CDC42BPA: variants seen among roughly 807,000 people sequenced by gnomAD.
The protein encoded by CDC42BPA is serine/threonine-protein kinase MRCK alpha.
Under a neutral mutation model 223.5 loss-of-function variants are expected in CDC42BPA, and 80 were observed. The observed-to-expected ratio is 0.36, with a 90% CI of 0.30 to 0.43. The LOEUF (loss-of-function observed/expected upper bound fraction) is 0.43. Ranked by LOEUF, CDC42BPA falls within the 20% of genes least tolerant of loss-of-function variation. The pLI is 1.00. For missense variants in CDC42BPA, 1,743 were observed against 2,099.9 expected, an observed-to-expected ratio of 0.83 and a Z score of 3.32; for synonymous variants, 694 against 718.6, an observed-to-expected ratio of 0.97 and a Z score of 0.55.
At chr1:227,264,523 A>C (rs2670469) in intron 1 of CDC42BPA, among the ~76,000 whole-genome samples, 42,955 of 150,538 alleles carry the variant, frequency 0.29, 6,957 homozygotes, top group East Asian at 0.37. Flanking sequence ...AGGTTTTCTT[A>C]CTAGAATGAA....
chr1:227,051,983 A>G lies in CDC42BPA; in HGVS notation c.2907T>C (p.Thr969=), dbSNP rs778367081. The change falls in exon 22 of 37, where the codon ACT becomes ACC. Residue 969 remains threonine (T), a splice_region_variant and synonymous_variant. Coordinates refer to ENST00000366766, the MANE Select transcript of CDC42BPA (RefSeq NM_001394014.1). The part of the protein sequence containing the change: ...TPTDALDQFE[T]DPVENTYVWN... ...ATACATATGTGTTCTCAACGGGATC[A>G]GTCTAGGAAAATAAGTCGGGAAAAA... The G allele has an allele frequency of 3.7e-6, 5 of 1,364,818 alleles. No individual in the cohort carries two copies. Among genetic ancestry groups the G allele is most frequent in the South Asian group, 1.1e-5 (1 of 88,004 alleles). The allele number at this position is 1,364,818 out of a possible 1,614,324, so 84.5% of individuals were successfully genotyped here.
chr1:227,213,898 A>G (rs1181121757), intron 2 of CDC42BPA, among the ~76,000 whole-genome samples: 2 of 152,172 alleles, frequency 1.3e-5, no homozygotes, highest in Admixed American at 6.6e-5. Context: ...ATCAAAAACT[A>G]TCAAATACAA....
At chr1:227,141,357 C>A (rs1358173296) in intron 9 of CDC42BPA, among the ~76,000 whole-genome samples, 2 of 152,098 alleles carry the variant, frequency 1.3e-5, no homozygotes, top group African/African-American at 4.8e-5. Context: ...GGAGAACTGA[C>A]ATTTGTAAGC....
chr1:227,179,635 C>CAAAAAAAAAAAAAAA (rs59744442), intron 5 of CDC42BPA, among the ~76,000 whole-genome samples: 3 of 34,240 alleles, frequency 8.8e-5, no homozygotes, highest in African/African-American at 2.3e-4. Flanking sequence ...GCCTCCATCT[C>CAAAAAAAAAAAAAAA]AAAAAAAAAA....
rs931197724 is a variant in CDC42BPA at position 227,257,651 on chromosome 1, G to T, written c.179-3496C>A. On this transcript the variant is annotated intron_variant, in intron 1 of 36. Transcript: ENST00000366766. ...CGCCTGTAATCCCAGCTACTTGGGA[G>T]GCTGAGGCAGGAGAATCACTAGAAC... Among the ~76,000 whole-genome samples, 5 of 150,758 alleles carry T rather than the reference G, an allele frequency of 3.3e-5. 1 individual carries two copies. The highest frequency in any genetic ancestry group is 1.2e-4 in the African/African-American group (5 of 40,116).
intron 3 of CDC42BPA, among the ~76,000 whole-genome samples, chr1:227,210,766 G>A (rs1037580865): frequency 1.3e-5 from 2 of 152,130 alleles, no homozygotes; most frequent in Non-Finnish European, 2.9e-5. Flanking sequence ...TTACTCTTTT[G>A]TAATAACAGG....
chr1:227,189,369 T>C (rs1281535151), intron 5 of CDC42BPA, among the ~76,000 whole-genome samples: 1 of 152,224 alleles, frequency 6.6e-6, no homozygotes, highest in Non-Finnish European at 1.5e-5. Context: ...TTTAGAATTA[T>C]AGAACCAAAG....
intron 12 of CDC42BPA, among the ~76,000 whole-genome samples, chr1:227,113,485 AACC>A (rs1687262389): frequency 6.6e-6 from 1 of 152,208 alleles, no homozygotes; most frequent in Non-Finnish European, 1.5e-5. Flanking sequence ...ATGAGCTCAC[AACC>A]ACAGATTCCA....
chr1:227,199,531 T>G, intron 4 of CDC42BPA, 26 bp downstream of exon 4: 1 of 1,240,974 alleles, frequency 8.1e-7, no homozygotes, highest in Non-Finnish European at 1.2e-6. Context: ...AAAAACAGTA[T>G]ATAGAAATAC....
chr1:227,039,441 A>C (rs1558348621), intron 24 of CDC42BPA, among the ~76,000 whole-genome samples: 1 of 152,218 alleles, frequency 6.6e-6, no homozygotes. Flanking sequence ...TTAAAAAAGT[A>C]TTCTTCTGAA....
intron 3 of CDC42BPA, among the ~76,000 whole-genome samples, chr1:227,205,283 AAT>A (rs71180715): frequency 1.2e-3 from 153 of 122,724 alleles, no homozygotes; most frequent in Middle Eastern, 4.5e-3. Flanking sequence ...AAAAAAAAAA[AAT>A]ATATATATAT....
intron 1 of CDC42BPA, among the ~76,000 whole-genome samples, chr1:227,270,913 T>C (rs1444358178): frequency 6.6e-6 from 1 of 152,186 alleles, no homozygotes; most frequent in Non-Finnish European, 1.5e-5. Context: ...AGAAATTCAC[T>C]CTTCTTATGG....
At chr1:227,221,537 AC>A (rs1675897440) in intron 2 of CDC42BPA, among the ~76,000 whole-genome samples, 1 of 56,072 alleles carries the variant, frequency 1.8e-5, no homozygotes, top group African/African-American at 6.5e-5. Context: ...TCTCCCACCC[AC>A]CCTCCCTTCC....
chr1:227,114,181 A>C (rs1451714496), intron 12 of CDC42BPA, among the ~76,000 whole-genome samples: 1 of 152,062 alleles, frequency 6.6e-6, no homozygotes, highest in Non-Finnish European at 1.5e-5. Flanking sequence ...AGAGAAATAA[A>C]AGACCGTAAA....
At chr1:227,196,819 C>T (rs935725970) in intron 4 of CDC42BPA, among the ~76,000 whole-genome samples, 5 of 152,050 alleles carry the variant, frequency 3.3e-5, no homozygotes, top group Non-Finnish European at 5.9e-5. Flanking sequence ...TTTTCCTCAA[C>T]CATAAAGTAA....
At chr1:227,043,409 CTCA>C (rs1671785033) in intron 23 of CDC42BPA, among the ~76,000 whole-genome samples, 2 of 80,654 alleles carry the variant, frequency 2.5e-5, no homozygotes, top group African/African-American at 8.3e-5. Context: ...GAGACTTCGT[CTCA>C]AAAAAAAAAA....
At chr1:227,226,334 C>A (rs2147921881) in intron 2 of CDC42BPA, among the ~76,000 whole-genome samples, 1 of 152,280 alleles carries the variant, frequency 6.6e-6, no homozygotes, top group African/African-American at 2.4e-5. Flanking sequence ...AAGTCTTGAT[C>A]TCTTTTAACA....
chr1:227,147,521 G>T lies in CDC42BPA; in HGVS notation c.732C>A (p.Ile244=), dbSNP rs1660902555. 6.2e-7 allele frequency: 1 copy of T among 1,611,536 alleles called. No individual in the cohort carries two copies. ...CCATGGCTTGAAGGATTTCAGGAGA[G>T]ATATAATCTGGAGTTCCTACAGCCA... The part of the protein sequence containing the change: ...SSVAVGTPDY[I]SPEILQAMED... The change falls in exon 7 of 37, where the codon ATC becomes ATA. Residue 244 remains isoleucine, a synonymous_variant. Coordinates refer to ENST00000366766, the MANE Select transcript of CDC42BPA (RefSeq NM_001394014.1).
At chr1:227,197,064 T>C (rs1039612578) in intron 4 of CDC42BPA, among the ~76,000 whole-genome samples, 3 of 152,202 alleles carry the variant, frequency 2.0e-5, no homozygotes, top group Non-Finnish European at 4.4e-5. Flanking sequence ...CTTGCTATAA[T>C]TGCAAATTTT....
Sources: allele counts gnomAD v4.1 joint callset (sites outside exome capture counted in the v4.1 genomes callset), GRCh38; gene constraint gnomAD v4.1.1; transcripts MANE v1.5; gene names NCBI Gene and HGNC (gene_info 2026-07-23, HGNC 2026-07-21).